UGP2: variants seen among roughly 807,000 people sequenced by gnomAD.
The protein encoded by UGP2 is UDP-glucose pyrophosphorylase 2.
In UGP2, 40 loss-of-function variants were observed where a neutral mutation model predicts 49.0. The ratio of observed to expected loss-of-function variants is 0.82; its 90% CI spans 0.63 to 1.06. The LOEUF is 1.06. Among genes scored for constraint, UGP2 ranks in the 50% least tolerant of loss-of-function variants. The probability of loss-of-function intolerance (pLI) is 0.00; values close to 1 mark genes in which losing one functional copy is unlikely to be tolerated. For synonymous variants in UGP2, 225 were observed against 213.0 expected (o/e 1.06, Z -0.49); for missense variants, 460 against 603.5 (o/e 0.76, Z 2.49).
chr2:63,845,478 C>T, intron 1 of UGP2, among the ~76,000 whole-genome samples: 1 of 150,762 alleles, frequency 6.6e-6, no homozygotes, highest in East Asian at 1.9e-4. Flanking sequence ...TCTTTATTTT[C>T]CTATTCCAGG....
At chr2:63,861,831 T>C (rs1411270232) in intron 3 of UGP2, among the ~76,000 whole-genome samples, 1 of 151,518 alleles carries the variant, frequency 6.6e-6, no homozygotes, top group Non-Finnish European at 1.5e-5. Context: ...CATGCATCAA[T>C]GTGGTATTTA....
intron 3 of UGP2, among the ~76,000 whole-genome samples, chr2:63,877,609 T>C (rs1670992101): frequency 6.6e-6 from 1 of 152,238 alleles, no homozygotes; most frequent in African/African-American, 2.4e-5. Flanking sequence ...CAAGTGTGTC[T>C]CTGAACATCA....
At chr2:63,853,779 C>T (rs1299587727) in intron 1 of UGP2, among the ~76,000 whole-genome samples, 6 of 152,102 alleles carry the variant, frequency 3.9e-5, no homozygotes, top group Admixed American at 3.3e-4. Context: ...AGCCCTCTCT[C>T]TTTTTTGGCT....
In UGP2 at chr2:63,885,763, T is replaced by TTA; in HGVS notation, c.750_751insTA (p.Asn251Ter). On this transcript the variant is annotated frameshift_variant, in exon 6 of 10. Coordinates refer to ENST00000337130, the MANE Select transcript of UGP2 (RefSeq NM_006759.4). LOFTEE classifies it high-confidence loss of function. ...AAGGCAAAGAGTATATTTTTGTGTC[T>TTA]AACATAGATAATCTGGGTGCCACAG... 6.2e-7 allele frequency: 1 copy of TTA among 1,614,012 alleles called. No homozygotes were observed. Among genetic ancestry groups the TTA allele is most frequent in the Non-Finnish European group, 8.5e-7 (1 of 1,179,974 alleles).
intron 3 of UGP2, among the ~76,000 whole-genome samples, chr2:63,858,280 A>AT (rs1382772077): frequency 3.3e-5 from 5 of 152,124 alleles, no homozygotes. Flanking sequence ...TTGATTTCTC[A>AT]TTGCCCGTAG....
intron 3 of UGP2, 164 bp downstream of exon 3, chr2:63,858,100 C>T (rs1669575938): frequency 1.6e-6 from 1 of 617,898 alleles, no homozygotes; most frequent in Non-Finnish European, 2.8e-6. Flanking sequence ...AGACAGCCTT[C>T]AGCTCCTTTC....
chr2:63,858,889 C>A (rs550635691), intron 3 of UGP2, among the ~76,000 whole-genome samples: 1 of 118,746 alleles, frequency 8.4e-6, no homozygotes, highest in East Asian at 2.8e-4. Context: ...CACCCCCCCG[C>A]CCCCCCGAAA....
intron 1 of UGP2, among the ~76,000 whole-genome samples, chr2:63,849,705 CTG>C (rs1409924464): frequency 6.6e-6 from 1 of 152,198 alleles, no homozygotes; most frequent in Non-Finnish European, 1.5e-5. Flanking sequence ...TGTAAATACA[CTG>C]TAACTGAGAA....
At chr2:63,848,849 T>A (rs1416125456) in intron 1 of UGP2, among the ~76,000 whole-genome samples, 3 of 152,258 alleles carry the variant, frequency 2.0e-5, no homozygotes, top group Non-Finnish European at 2.9e-5. Flanking sequence ...TCTTGATTGG[T>A]GATGCAGGCA....
rs1458133201 is a variant in UGP2, at chr2:63,857,835, A to C, written c.154A>C (p.Lys52Gln). 6.2e-7 allele frequency: 1 copy of C among 1,612,868 alleles called. No individual in the cohort carries two copies. The highest frequency in any genetic ancestry group is 1.7e-5 in the Admixed American group (1 of 59,878). ...TASSHEFEHT[K>Q]KDLDGFRKLF... ...ATGACTTCTATTTTCACAGCACACC[A>C]AAAAAGACCTGGATGGATTTCGGAA... Residue 52 changes from lysine to glutamine, a missense_variant, in exon 3 of 10, where the codon AAA (lysine) becomes CAA (glutamine). Lys to Gln is a moderately conservative substitution (Grantham distance 53). Coordinates refer to ENST00000337130, the MANE Select transcript of UGP2 (RefSeq NM_006759.4).
chr2:63,861,665 G>A (rs1178508659), intron 3 of UGP2, among the ~76,000 whole-genome samples: 2 of 138,022 alleles, frequency 1.4e-5, no homozygotes, highest in Non-Finnish European at 3.0e-5. Flanking sequence ...TCCAGCCTGG[G>A]CAACAGAGTG....
At chr2:63,889,581 G>T (rs1191779362) in intron 8 of UGP2, 1 of 152,314 alleles carries the variant, frequency 6.6e-6, no homozygotes, top group African/African-American at 2.4e-5. Context: ...AGGAAACGGG[G>T]TCACATAGGA....
intron 1 of UGP2, chr2:63,855,520 G>GTTTTTTT (rs372160888): frequency 7.7e-4 from 149 of 194,268 alleles, no homozygotes; most frequent in Middle Eastern, 2.3e-3. Context: ...TTCTTTTTCT[G>GTTTTTTT]TTTTTTTTTT....
Position 63,860,125 on chromosome 2 carries a change from A to C in UGP2, c.255+2189A>C, listed in dbSNP as rs968987510. Among the ~76,000 whole-genome samples, 14 of 152,342 alleles carry C rather than the reference A, an allele frequency of 9.2e-5. No individual in the cohort carries two copies. In the South Asian group the frequency reaches 1.2e-3, roughly 14 times the overall value. ...AAATGTAATTTTTAAAAGTGAACAT[A>C]GGTCTTTTTTTAAAAAAAATGCAAA... is the stretch of plus-strand genomic sequence containing the variant. On this transcript the variant is annotated intron_variant, in intron 3 of 9. Transcript: ENST00000337130.
At position 63,860,762 on chromosome 2, in the gene UGP2, A is replaced by ATT. The variant is rs556819048; in HGVS notation, c.255+2847_255+2848dup. The stretch of plus-strand genomic sequence containing the variant: ...GGCATTGTGCCACCAGGCCCAGCTA[A>ATT]TTTTTTTTTTTTTTTTTTTTTTGTA... On this transcript the variant is annotated intron_variant, in intron 3 of 9. Coordinates refer to ENST00000337130, the MANE Select transcript of UGP2 (RefSeq NM_006759.4). Among the ~76,000 whole-genome samples, 401 of 123,680 alleles carry ATT rather than the reference A, an allele frequency of 3.2e-3. 3 individuals carry two copies. The highest frequency in any genetic ancestry group is 0.013 in the East Asian group (49 of 3,898). The allele number at this position is 123,680 out of a possible 152,430, so 81.1% of individuals were successfully genotyped here. A position where few individuals can be genotyped will look rare whatever the true frequency, so the allele number is the denominator to read the frequency against.
At chr2:63,869,701 C>A (rs1221154027) in intron 3 of UGP2, among the ~76,000 whole-genome samples, 1 of 152,098 alleles carries the variant, frequency 6.6e-6, no homozygotes, top group Non-Finnish European at 1.5e-5. Context: ...GGATATTGAG[C>A]ATGAATGATT....
chr2:63,857,689 A>G (rs1669539975), intron 2 of UGP2, 140 bp from the exon 3 acceptor site: 2 of 885,464 alleles, frequency 2.3e-6, no homozygotes, highest in South Asian at 1.5e-5. Flanking sequence ...AGGATGTGAA[A>G]AAGTCTTGCT....
At position 63,882,536 on chromosome 2, in the gene UGP2, T is replaced by C. The variant is rs1331970023; in HGVS notation, c.326T>C (p.Val109Ala). 6.2e-7 allele frequency: 1 copy of C among 1,613,278 alleles called. No individual in the cohort carries two copies. The highest frequency in any genetic ancestry group is 8.5e-7 in the Non-Finnish European group (1 of 1,179,406). Residue 109 changes from valine to alanine, a missense_variant, in exon 4 of 10, where the codon GTG (valine) becomes GCG (alanine). Transcript: ENST00000337130. ...ATATCTTCCGTGTTGAACAAACTAG[T>C]GGTGGTGAAACTCAATGGTGGTTTG... ...DNISSVLNKL[V>A]VVKLNGGLGT...
chr2:63,848,555 G>C (rs1668825788), intron 1 of UGP2, among the ~76,000 whole-genome samples: 1 of 152,118 alleles, frequency 6.6e-6, no homozygotes, highest in Non-Finnish European at 1.5e-5. Context: ...GTAGAGACAG[G>C]GTTTCACCAT....
Sources: gnomAD v4.1 joint callset for allele counts (sites outside exome capture counted in the v4.1 genomes callset) on GRCh38, gnomAD v4.1.1 for gene constraint, MANE v1.5 for transcripts, NCBI Gene and HGNC (gene_info 2026-07-23, HGNC 2026-07-21) for gene names.